TJP1: variants seen among roughly 807,000 people sequenced by gnomAD.
The protein encoded by TJP1 is tight junction protein ZO-1.
Under a neutral mutation model 194.2 loss-of-function variants are expected in TJP1, and 43 were observed. The observed-to-expected ratio is 0.22, with a 90% CI of 0.17 to 0.29. The LOEUF is 0.29. Among genes scored for constraint, TJP1 ranks in the 10% least tolerant of loss-of-function variants. TJP1 has a pLI of 1.00. For synonymous variants in TJP1, 801 were observed against 779.0 expected (o/e 1.03, Z -0.47); for missense variants, 1,971 against 2,185.7 (o/e 0.90, Z 1.96).
chr15:29,919,482 G>A lies in TJP1; in HGVS notation c.306+36750C>T, dbSNP rs147397607. ...TGAAAAAAACAAAAGTTCCTGTCCT[G>A]GTGCAGTTTTCATTCTAAGGCGGGA... On this transcript the variant is annotated intron_variant, in intron 2 of 28. Transcript: ENST00000356107. Among the ~76,000 whole-genome samples, 1,134 of 152,302 alleles carry A rather than the reference G, an allele frequency of 7.4e-3. 11 individuals carry two copies. The highest frequency in any genetic ancestry group is 0.012 in the Non-Finnish European group (791 of 68,026).
chr15:29,953,113 TCTTC>T (rs1444615419), intron 2 of TJP1, among the ~76,000 whole-genome samples: 4 of 149,474 alleles, frequency 2.7e-5, no homozygotes, highest in African/African-American at 9.8e-5. Flanking sequence ...GTAGCCCCCC[TCTTC>T]CTTCTTTCAT....
intron 2 of TJP1, among the ~76,000 whole-genome samples, chr15:29,833,018 G>C (rs2050886110): frequency 6.6e-6 from 1 of 152,202 alleles, no homozygotes; most frequent in African/African-American, 2.4e-5. Context: ...CTGCAAAGCA[G>C]ATTCCACTCT....
At chr15:29,886,910 T>C (rs2053133208) in intron 2 of TJP1, among the ~76,000 whole-genome samples, 1 of 151,796 alleles carries the variant, frequency 6.6e-6, no homozygotes, top group Non-Finnish European at 1.5e-5. Flanking sequence ...CCAAAGTTCA[T>C]CTGAAAAAAC....
chr15:29,878,884 G>A (rs866255430), intron 2 of TJP1, among the ~76,000 whole-genome samples: 1 of 152,258 alleles, frequency 6.6e-6, no homozygotes, highest in African/African-American at 2.4e-5. Flanking sequence ...CAGCACTTAG[G>A]GAGGCTGAGG....
intron 2 of TJP1, among the ~76,000 whole-genome samples, chr15:29,940,835 C>T (rs555719510): frequency 6.6e-6 from 1 of 152,268 alleles, no homozygotes; most frequent in South Asian, 2.1e-4. Flanking sequence ...CTGCTTGCCA[C>T]CCCACTGCCC....
In TJP1 at chr15:29,950,134, C is replaced by A. The variant is rs111217774; in HGVS notation, c.306+6098G>T. Among the ~76,000 whole-genome samples the A allele has an allele frequency of 9.5e-4, 67 of 70,596 alleles. 1 individual carries two copies. The highest frequency in any genetic ancestry group is 3.5e-3 in the South Asian group (6 of 1,714). 46.3% of individuals were successfully genotyped at this position (70,596 alleles called of 152,430 possible). On this transcript the variant is annotated intron_variant, in intron 2 of 28. Transcript: ENST00000356107. ...CCACCTCCACAACCACCACCTCCACCACCACCACAACCACCACCTCCACCA... is the reference window on the plus strand; with the variant it reads ...CCACCTCCACAACCACCACCTCCACAACCACCACAACCACCACCTCCACCA...
At chr15:29,881,053 C>T (rs1360591169) in intron 2 of TJP1, among the ~76,000 whole-genome samples, 2 of 152,190 alleles carry the variant, frequency 1.3e-5, no homozygotes, top group Admixed American at 1.3e-4. Context: ...CTCCCACCAA[C>T]AGTGCACAAT....
intron 23 of TJP1, among the ~76,000 whole-genome samples, chr15:29,711,270 G>A (rs1468733835): frequency 3.3e-5 from 5 of 152,200 alleles, no homozygotes; most frequent in Non-Finnish European, 5.9e-5. Flanking sequence ...TTTGGGTATA[G>A]TTTAATTGTT....
At chr15:29,817,751 A>G (rs1441015570) in intron 1 of TJP1, among the ~76,000 whole-genome samples, 1 of 152,098 alleles carries the variant, frequency 6.6e-6, no homozygotes, top group East Asian at 1.9e-4. Flanking sequence ...ACCAAACACC[A>G]CATGTTCTCA....
At chr15:29,966,636 T>C (rs1567244541) in intron 1 of TJP1, among the ~76,000 whole-genome samples, 1 of 148,314 alleles carries the variant, frequency 6.7e-6, no homozygotes, top group Non-Finnish European at 1.5e-5. Context: ...TGAGAAGCTT[T>C]CTGGTACATT....
chr15:29,914,248 T>A (rs1299965869), intron 2 of TJP1, among the ~76,000 whole-genome samples: 2 of 152,204 alleles, frequency 1.3e-5, no homozygotes, highest in African/African-American at 4.8e-5. Context: ...TTTTCATACA[T>A]CATGGAGCAA....
chr15:29,799,723 C>T (rs946467759), intron 2 of TJP1, among the ~76,000 whole-genome samples: 1 of 152,106 alleles, frequency 6.6e-6, no homozygotes, highest in Non-Finnish European at 1.5e-5. Flanking sequence ...CCAAAAACAA[C>T]TATTTTTTAA....
chr15:29,802,630 C>T (rs2048861810), intron 1 of TJP1, among the ~76,000 whole-genome samples: 1 of 151,312 alleles, frequency 6.6e-6, no homozygotes, highest in African/African-American at 2.4e-5. Flanking sequence ...ATTCTTCCAT[C>T]AATGAGAAGC....
chr15:29,719,668 T>C, intron 20 of TJP1, 109 bp downstream of exon 20: 1 of 1,395,296 alleles, frequency 7.2e-7, no homozygotes, highest in South Asian at 1.4e-5. Context: ...TTACAGTGTA[T>C]AAGCCTGCAG....
intron 1 of TJP1, among the ~76,000 whole-genome samples, chr15:29,819,548 A>G (rs1178552984): frequency 6.6e-6 from 1 of 152,200 alleles, no homozygotes; most frequent in Non-Finnish European, 1.5e-5. Flanking sequence ...TCCTGAACTG[A>G]CGGGCTGCTT....
At chr15:29,813,327 A>G (rs1038040943) in intron 1 of TJP1, among the ~76,000 whole-genome samples, 27 of 152,186 alleles carry the variant, frequency 1.8e-4, no homozygotes, top group African/African-American at 4.8e-4. Flanking sequence ...TGGTACTCCA[A>G]TGACTGCCTC....
intron 10 of TJP1, among the ~76,000 whole-genome samples, chr15:29,740,000 T>C (rs533803451): frequency 6.6e-6 from 1 of 151,848 alleles, no homozygotes; most frequent in African/African-American, 2.4e-5. Context: ...TTTTCTTTTT[T>C]TTTTTGAGAC....
chr15:29,832,693 T>G (rs964127103), intron 2 of TJP1, among the ~76,000 whole-genome samples: 1 of 152,224 alleles, frequency 6.6e-6, no homozygotes, highest in Admixed American at 6.5e-5. Flanking sequence ...TTTGTGTATA[T>G]GAAGTACTAT....
chr15:29,827,407 C>G (rs986800538), upstream of TJP1, among the ~76,000 whole-genome samples: 1 of 152,128 alleles, frequency 6.6e-6, no homozygotes, highest in African/African-American at 2.4e-5. Context: ...TGATTACCCA[C>G]CCCTAATCCT....
Sources: allele counts gnomAD v4.1 joint callset (sites outside exome capture counted in the v4.1 genomes callset), GRCh38; gene constraint gnomAD v4.1.1; transcripts MANE v1.5; gene names NCBI Gene and HGNC (gene_info 2026-07-23, HGNC 2026-07-21).